NAALADL2: variants seen among roughly 807,000 people sequenced by gnomAD.
NAALADL2 encodes the protein inactive N-acetylated-alpha-linked acidic dipeptidase-like protein 2.
Under a neutral mutation model 87.2 loss-of-function variants are expected in NAALADL2, and 76 were observed. The ratio of observed to expected loss-of-function variants is 0.87; its 90% CI spans 0.72 to 1.05. The LOEUF (loss-of-function observed/expected upper bound fraction) is 1.05. Among genes scored for constraint, NAALADL2 ranks in the 50% least tolerant of loss-of-function variants. The pLI is 0.00. For synonymous variants in NAALADL2, 354 were observed against 331.0 expected (o/e 1.07, Z -0.75); for missense variants, 1,089 against 945.8 (o/e 1.15, Z -1.99).
chr3:174,669,478 C>T (rs1726310916), intron 2 of NAALADL2, among the ~76,000 whole-genome samples: 1 of 152,094 alleles, frequency 6.6e-6, no homozygotes, highest in Admixed American at 6.5e-5. Flanking sequence ...GTTTTCCCAG[C>T]ACCATTTGTT....
intron 1 of NAALADL2, among the ~76,000 whole-genome samples, chr3:174,489,866 ATATG>A (rs1718074433): frequency 6.6e-6 from 1 of 151,962 alleles, no homozygotes; most frequent in Non-Finnish European, 1.5e-5. Context: ...TCGTACCCTT[ATATG>A]TAACCCTTAT....
At chr3:175,288,121 T>C (rs1194103276) in intron 4 of NAALADL2, among the ~76,000 whole-genome samples, 3 of 152,090 alleles carry the variant, frequency 2.0e-5, no homozygotes, top group Admixed American at 6.6e-5. Flanking sequence ...TCACTCCGTC[T>C]CCCAGGCTGG....
intron 9 of NAALADL2, among the ~76,000 whole-genome samples, chr3:175,500,903 G>A (rs182843551): frequency 3.3e-5 from 5 of 152,246 alleles, no homozygotes; most frequent in Admixed American, 1.3e-4. Context: ...CAGATAGACA[G>A]TGAGTGGCTT....
intron 2 of NAALADL2, among the ~76,000 whole-genome samples, chr3:175,212,157 C>A (rs1219939184): frequency 6.6e-6 from 1 of 151,928 alleles, no homozygotes; most frequent in Non-Finnish European, 1.5e-5. Flanking sequence ...ACACATTAAT[C>A]TAGAATTGTT....
intron 2 of NAALADL2, among the ~76,000 whole-genome samples, chr3:174,599,998 C>T (rs1718282691): frequency 6.6e-6 from 1 of 152,022 alleles, no homozygotes; most frequent in South Asian, 2.1e-4. Context: ...GAATTCAGTG[C>T]TAGCTTCAAG....
At position 175,175,152 on chromosome 3, in the gene NAALADL2, A is replaced by G. The variant is rs922517719; in HGVS notation, c.546-58779A>G. On this transcript the variant is annotated intron_variant, in intron 2 of 13. Transcript: ENST00000454872. The stretch of plus-strand genomic sequence containing the variant: ...TTGGGGTAGAATGCAATGTAATATA[A>G]ATGTGCAGAGCTAAAATAATCAATT... Among the ~76,000 whole-genome samples, 80 of 152,160 alleles carry G rather than the reference A, an allele frequency of 5.3e-4. 1 individual carries two copies. Among genetic ancestry groups the G allele is most frequent in the Non-Finnish European group, 6.2e-4 (42 of 67,912 alleles).
chr3:174,640,013 C>T (rs1723011289), intron 2 of NAALADL2, among the ~76,000 whole-genome samples: 2 of 152,166 alleles, frequency 1.3e-5, no homozygotes, highest in South Asian at 4.1e-4. Context: ...CATTACCTCT[C>T]AGGCTGTGTT....
chr3:174,952,565 C>T (rs551861353), intron 1 of NAALADL2, among the ~76,000 whole-genome samples: 7 of 152,198 alleles, frequency 4.6e-5, no homozygotes, highest in African/African-American at 1.4e-4. Context: ...GAAAATGGAC[C>T]ATGACCTCAG....
intron 9 of NAALADL2, among the ~76,000 whole-genome samples, chr3:175,560,101 A>C (rs1019518451): frequency 2.0e-5 from 3 of 152,078 alleles, no homozygotes; most frequent in Non-Finnish European, 4.4e-5. Context: ...TTTTTATTAC[A>C]GTTTTGATGT....
chr3:175,579,006 C>G (rs895714712), intron 10 of NAALADL2, among the ~76,000 whole-genome samples: 1 of 151,994 alleles, frequency 6.6e-6, no homozygotes, highest in Non-Finnish European at 1.5e-5. Flanking sequence ...TCTGTGTGGC[C>G]CCTGTAGGGA....
At chr3:175,602,108 T>A (rs976058011) in intron 10 of NAALADL2, among the ~76,000 whole-genome samples, 2 of 152,134 alleles carry the variant, frequency 1.3e-5, no homozygotes, top group Non-Finnish European at 2.9e-5. Context: ...TAATGACCTA[T>A]AAGCATCTCT....
At chr3:174,872,408 G>C (rs922410571) in intron 1 of NAALADL2, among the ~76,000 whole-genome samples, 7 of 152,226 alleles carry the variant, frequency 4.6e-5, no homozygotes, top group African/African-American at 1.7e-4. Flanking sequence ...GATTCAAACT[G>C]TCTGACTCAT....
At chr3:175,631,022 A>T (rs1006230799) in intron 11 of NAALADL2, among the ~76,000 whole-genome samples, 1 of 151,440 alleles carries the variant, frequency 6.6e-6, no homozygotes, top group Non-Finnish European at 1.5e-5. Context: ...GCCCAATCAC[A>T]TATTTTATAT....
intron 2 of NAALADL2, among the ~76,000 whole-genome samples, chr3:174,632,306 C>A (rs1722194931): frequency 6.6e-6 from 1 of 152,130 alleles, no homozygotes; most frequent in Non-Finnish European, 1.5e-5. Flanking sequence ...TCTATCCAGG[C>A]TTTGAGCAGT....
At chr3:174,804,807 T>A (rs1000139290) in intron 3 of NAALADL2, among the ~76,000 whole-genome samples, 1 of 152,136 alleles carries the variant, frequency 6.6e-6, no homozygotes. Context: ...CCTGAAGGAC[T>A]TACGTTTTGA....
intron 11 of NAALADL2, among the ~76,000 whole-genome samples, chr3:175,710,900 C>A (rs1442956827): frequency 6.6e-6 from 1 of 151,834 alleles, no homozygotes; most frequent in African/African-American, 2.4e-5. Context: ...ATTATCCCAT[C>A]ATTTTGTTAT....
intron 1 of NAALADL2, among the ~76,000 whole-genome samples, chr3:174,525,760 T>C (rs1578086428): frequency 6.6e-6 from 1 of 152,350 alleles, no homozygotes; most frequent in East Asian, 1.9e-4. Flanking sequence ...GATTCTAGCA[T>C]CTCTTCAACT....
chr3:175,343,577 A>G (rs890402438), intron 5 of NAALADL2, among the ~76,000 whole-genome samples: 2 of 148,464 alleles, frequency 1.3e-5, no homozygotes, highest in African/African-American at 4.9e-5. Context: ...TTTCTAGTTC[A>G]CTGCGCCACC....
rs1203454557 is a variant in NAALADL2, at chr3:175,751,262, G to A, written c.1991-3958G>A. On this transcript the variant is annotated intron_variant, in intron 12 of 13. Transcript: ENST00000454872. ...TCAGAAGTTTGAGATAGCAGCCCAT[G>A]GGGAAAAATGGCACCCAATTTGCAA... 3.3e-5 allele frequency among the ~76,000 whole-genome samples: 5 copies of A among 151,832 alleles called. No homozygotes were observed. In the South Asian group the frequency reaches 8.3e-4, roughly 25 times the overall value.
Sources: allele counts gnomAD v4.1 joint callset (sites outside exome capture counted in the v4.1 genomes callset), GRCh38; gene constraint gnomAD v4.1.1; transcripts MANE v1.5; gene names NCBI Gene and HGNC (gene_info 2026-07-23, HGNC 2026-07-21).